The following ANKS1B variants were observed in gnomAD, a reference collection of about 807,000 sequenced individuals.
The protein encoded by ANKS1B is ankyrin repeat and sterile alpha motif domain-containing protein 1B.
In ANKS1B, 36 loss-of-function variants were observed where a neutral mutation model predicts 148.3. The ratio of observed to expected loss-of-function variants is 0.24; its 90% CI spans 0.19 to 0.32. The LOEUF is 0.32. ANKS1B is among the 10% of genes least tolerant of loss of function. The pLI, the probability that ANKS1B is intolerant of heterozygous loss-of-function variation, is 1.00. For missense variants in ANKS1B, 1,157 were observed against 1,542.6 expected (o/e 0.75, Z 4.19); for synonymous variants, 542 against 560.8 (o/e 0.97, Z 0.47).
intron 10 of ANKS1B, among the ~76,000 whole-genome samples, chr12:99,473,007 C>T (rs2096265613): frequency 6.6e-6 from 1 of 151,928 alleles, no homozygotes. Flanking sequence ...CAAATATTGG[C>T]TATTATTTTT....
chr12:99,096,989 A>C (rs1018903872), intron 15 of ANKS1B: 3 of 152,196 alleles, frequency 2.0e-5, no homozygotes, highest in African/African-American at 7.2e-5. Flanking sequence ...ACTTGGTATT[A>C]TATGTCTTGT....
At chr12:99,214,109 T>C (rs1383854111) in intron 14 of ANKS1B, among the ~76,000 whole-genome samples, 1 of 149,400 alleles carries the variant, frequency 6.7e-6, no homozygotes, top group African/African-American at 2.4e-5. Context: ...TGCCCAAGAA[T>C]GGCATAAGAT....
intron 15 of ANKS1B, among the ~76,000 whole-genome samples, chr12:99,087,997 A>G (rs1384865764): frequency 2.0e-5 from 3 of 152,246 alleles, no homozygotes; most frequent in Non-Finnish European, 2.9e-5. Context: ...GAAGGTGTTG[A>G]GTACATAAGA....
intron 1 of ANKS1B, among the ~76,000 whole-genome samples, chr12:99,852,246 T>G (rs2088006276): frequency 6.6e-6 from 1 of 152,192 alleles, no homozygotes; most frequent in South Asian, 2.1e-4. Flanking sequence ...GTGACCAAAA[T>G]AATGTAAGCT....
At chr12:98,880,911 T>C (rs954611285) in intron 17 of ANKS1B, among the ~76,000 whole-genome samples, 1 of 152,130 alleles carries the variant, frequency 6.6e-6, no homozygotes, top group Non-Finnish European at 1.5e-5. Context: ...AAGACCCTAA[T>C]GAAATCTTGC....
At chr12:99,930,313 G>A (rs2094581296) in intron 1 of ANKS1B, among the ~76,000 whole-genome samples, 2 of 152,014 alleles carry the variant, frequency 1.3e-5, no homozygotes, top group Non-Finnish European at 2.9e-5. Context: ...TGTTATTGGT[G>A]TATAAGAATG....
At chr12:99,800,344 T>C (rs2066786127) in intron 4 of ANKS1B, among the ~76,000 whole-genome samples, 1 of 151,718 alleles carries the variant, frequency 6.6e-6, no homozygotes. Flanking sequence ...TCTTGGACTT[T>C]GTAGCCTCCA....
At chr12:99,342,295 G>A (rs2090038397) in intron 12 of ANKS1B, among the ~76,000 whole-genome samples, 1 of 152,050 alleles carries the variant, frequency 6.6e-6, no homozygotes, top group African/African-American at 2.4e-5. Flanking sequence ...AGACCTGTAA[G>A]ATGAGTAAGT....
Position 98,829,786 on chromosome 12 carries a change from G to A in ANKS1B, c.2887-433C>T, listed in dbSNP as rs1462536363. On this transcript the variant is annotated intron_variant, in intron 18 of 26. Coordinates refer to ENST00000683438, the MANE Select transcript of ANKS1B (RefSeq NM_001352186.2). This position sits in a 1 kb window ranked among gnomAD's most constrained non-coding sequence, Gnocchi z 5.2. ...TCATCAAAGAATGGTCTGACAACAG[G>A]GTTGGGAAGAGGACACAGTACGGCA... Among the ~76,000 whole-genome samples, 1 of 152,186 alleles carries A rather than the reference G, an allele frequency of 6.6e-6. No homozygotes were observed. Among genetic ancestry groups the A allele is most frequent in the Non-Finnish European group, 1.5e-5 (1 of 68,038 alleles).
intron 16 of ANKS1B, among the ~76,000 whole-genome samples, chr12:99,080,937 CT>C (rs1235266510): frequency 6.6e-6 from 1 of 152,092 alleles, no homozygotes; most frequent in African/African-American, 2.4e-5. Flanking sequence ...TCCAGGAAAG[CT>C]TTTAGAGCTG....
intron 17 of ANKS1B, among the ~76,000 whole-genome samples, chr12:98,888,239 G>T (rs2099744663): frequency 6.6e-6 from 1 of 152,120 alleles, no homozygotes; most frequent in Admixed American, 6.5e-5. Context: ...GAACTATAGG[G>T]AACTGTTATT....
intron 17 of ANKS1B, among the ~76,000 whole-genome samples, chr12:98,898,751 C>T (rs1282553271): frequency 6.6e-6 from 1 of 152,076 alleles, no homozygotes; most frequent in African/African-American, 2.4e-5. Context: ...GTATCTAAAT[C>T]TTATAATATT....
rs188112227 is a variant in ANKS1B at position 99,741,311 on chromosome 12, T to G, written c.1128+31611A>C. Among the ~76,000 whole-genome samples, 6 of 149,744 alleles carry G rather than the reference T, an allele frequency of 4.0e-5. No individual in the cohort carries two copies. The East Asian group carries it at 1.2e-3, about 30-fold the overall frequency. On this transcript the variant is annotated intron_variant, in intron 8 of 26. Coordinates refer to ENST00000683438, the MANE Select transcript of ANKS1B (RefSeq NM_001352186.2). ...GAAAGCTTTACACTGTTGATGGGAG[T>G]TCGACCATTGTGGAAGACAGTGTGG... is the stretch of plus-strand genomic sequence containing the variant.
chr12:99,229,545 T>A (rs2086495345), intron 14 of ANKS1B, among the ~76,000 whole-genome samples: 1 of 151,986 alleles, frequency 6.6e-6, no homozygotes, highest in Non-Finnish European at 1.5e-5. Context: ...CCTTTGCTAT[T>A]AGAACAGAAG....
intron 12 of ANKS1B, among the ~76,000 whole-genome samples, chr12:99,277,569 TG>T (rs1487789705): frequency 2.0e-5 from 3 of 152,214 alleles, no homozygotes; most frequent in African/African-American, 7.2e-5. Flanking sequence ...AAGATGCACT[TG>T]TGGGTTAGTA....
chr12:99,156,655 A>T (rs922366752), intron 14 of ANKS1B, among the ~76,000 whole-genome samples: 4 of 152,138 alleles, frequency 2.6e-5, no homozygotes, highest in African/African-American at 9.7e-5. Context: ...TTGGCTTTGA[A>T]TCAGTTGCTA....
At chr12:99,620,842 A>C (rs569070718) in intron 9 of ANKS1B, among the ~76,000 whole-genome samples, 3 of 152,212 alleles carry the variant, frequency 2.0e-5, no homozygotes, top group African/African-American at 7.2e-5. Flanking sequence ...ATTTAAGGGA[A>C]TAACTCAAGA....
chr12:99,454,319 A>T (rs2095809801), intron 10 of ANKS1B, among the ~76,000 whole-genome samples: 1 of 152,268 alleles, frequency 6.6e-6, no homozygotes, highest in Non-Finnish European at 1.5e-5. Context: ...ACTTTCATCT[A>T]TAAAAAGAAC....
At chr12:99,607,498 T>C (rs1345694983) in intron 9 of ANKS1B, among the ~76,000 whole-genome samples, 10 of 152,110 alleles carry the variant, frequency 6.6e-5, no homozygotes, top group Admixed American at 6.6e-4. Flanking sequence ...ACATACCTGT[T>C]TGATCAGCAA....
Sources: gnomAD v4.1 joint callset for allele counts (sites outside exome capture counted in the v4.1 genomes callset) on GRCh38, gnomAD v4.1.1 for gene constraint, Gnocchi (gnomAD v3.1) non-coding constraint, MANE v1.5 for transcripts, NCBI Gene and HGNC (gene_info 2026-07-23, HGNC 2026-07-21) for gene names.